The following CCDC77 variants were observed in gnomAD, a reference collection of about 807,000 sequenced individuals.
CCDC77 encodes coiled-coil domain-containing protein 77.
Under a neutral mutation model 66.8 loss-of-function variants are expected in CCDC77, and 56 were observed. The ratio of observed to expected loss-of-function variants is 0.84; its 90% CI spans 0.68 to 1.05. The LOEUF is 1.05. CCDC77 is among the 50% of genes least tolerant of loss of function. The pLI, the probability that CCDC77 is intolerant of heterozygous loss-of-function variation, is 0.00. For missense variants in CCDC77, 570 were observed against 576.8 expected (o/e 0.99, Z 0.12); for synonymous variants, 196 against 195.2 (o/e 1.00, Z -0.03).
At chr12:389,810 C>T (rs754827874) in intron 1 of CCDC77, among the ~76,000 whole-genome samples, 7 of 152,190 alleles carry the variant, frequency 4.6e-5, no homozygotes, top group Non-Finnish European at 7.4e-5. Context: ...TCCAGCATTT[C>T]TCTTTTTTTA....
intron 4 of CCDC77, among the ~76,000 whole-genome samples, 168 bp downstream of exon 4, chr12:412,146 A>G (rs1945124609): frequency 6.6e-6 from 1 of 152,160 alleles, no homozygotes; most frequent in African/African-American, 2.4e-5. Flanking sequence ...CATAACCCCC[A>G]AAACTGCCCT....
At chr12:405,897 G>C (rs1944981003) in intron 2 of CCDC77, among the ~76,000 whole-genome samples, 1 of 149,558 alleles carries the variant, frequency 6.7e-6, no homozygotes. Context: ...TTAAATATTA[G>C]ATGGTTATAA....
At chr12:389,644 G>A (rs1243904847) in intron 1 of CCDC77, 4 of 176,294 alleles carry the variant, frequency 2.3e-5, no homozygotes, top group South Asian at 9.8e-5. Context: ...TGCCCCAGAG[G>A]GCAGAGGTTG....
chr12:428,510 C>CAAAAAAAAAAAAAAAAAAAA lies in CCDC77; in HGVS notation c.414-252_414-233dup, dbSNP rs59414510. 5.2e-5 allele frequency among the ~76,000 whole-genome samples: 3 copies of CAAAAAAAAAAAAAAAAAAAA among 57,882 alleles called. 1 individual carries two copies. Among genetic ancestry groups the CAAAAAAAAAAAAAAAAAAAA allele is most frequent in the African/African-American group, 2.2e-4 (3 of 13,736 alleles). 38.0% of individuals were successfully genotyped at this position (57,882 alleles called of 152,430 possible). On this transcript the variant is annotated intron_variant, in intron 5 of 12. Transcript: ENST00000239830. ...TGGACAACAGAGCGAGACTCTGTCT[C>CAAAAAAAAAAAAAAAAAAAA]AAAAAAAAAAAAAAAAAAAAAAAAA...
chr12:401,450 GGC>G, upstream of CCDC77: 1 of 152,394 alleles, frequency 6.6e-6, no homozygotes, highest in Admixed American at 6.5e-5. Context: ...CAGAGCTCCA[GGC>G]AGAAGAAAAC....
chr12:399,160 A>G (rs2887438), upstream of CCDC77, among the ~76,000 whole-genome samples: 4,193 of 151,558 alleles, frequency 0.028, 410 homozygotes, highest in East Asian at 0.31. Context: ...TCTGGCAGCT[A>G]TAGCCTTATG....
chr12:398,886 A>G (rs1366411017), upstream of CCDC77, among the ~76,000 whole-genome samples: 8 of 151,898 alleles, frequency 5.3e-5, no homozygotes, highest in Admixed American at 3.9e-4. Flanking sequence ...CAGCCTCCCA[A>G]GTAGCCAGGT....
At chr12:396,353 C>T (rs978679585) in intron 1 of CCDC77, among the ~76,000 whole-genome samples, 1 of 152,168 alleles carries the variant, frequency 6.6e-6, no homozygotes, top group Non-Finnish European at 1.5e-5. Flanking sequence ...GATTATGCCA[C>T]TGCACTCCAG....
chr12:427,442 A>G (rs893632793), intron 5 of CCDC77, among the ~76,000 whole-genome samples: 1 of 150,896 alleles, frequency 6.6e-6, no homozygotes. Context: ...TCGCTCTGAA[A>G]TCCCTTTTTA....
At chr12:423,913 T>C (rs1565572477) in intron 5 of CCDC77, among the ~76,000 whole-genome samples, 1 of 152,200 alleles carries the variant, frequency 6.6e-6, no homozygotes, top group Admixed American at 6.6e-5. Context: ...TATATCTTCT[T>C]TGGAGAAATG....
At chr12:438,888 G>A (rs191918127) in intron 10 of CCDC77, among the ~76,000 whole-genome samples, 257 of 149,040 alleles carry the variant, frequency 1.7e-3, no homozygotes, top group Middle Eastern at 3.4e-3. Flanking sequence ...CCAACATGGT[G>A]AAACCCCGTC....
intron 1 of CCDC77, among the ~76,000 whole-genome samples, chr12:392,518 C>T (rs2137517713): frequency 6.6e-6 from 1 of 152,132 alleles, no homozygotes; most frequent in South Asian, 2.1e-4. Flanking sequence ...CCGAGGCGGG[C>T]AGATCACTTG....
upstream of CCDC77, among the ~76,000 whole-genome samples, chr12:399,465 C>T (rs1206544966): frequency 1.3e-5 from 2 of 152,158 alleles, no homozygotes; most frequent in East Asian, 1.9e-4. Flanking sequence ...CCACCGTGCC[C>T]GGCCTGAAAT....
chr12:389,746 C>A (rs780254376), intron 1 of CCDC77, among the ~76,000 whole-genome samples: 1 of 152,190 alleles, frequency 6.6e-6, no homozygotes, highest in Non-Finnish European at 1.5e-5. Flanking sequence ...CCTCACCGCC[C>A]GTGCTTCGTA....
chr12:414,915 C>T (rs1945194579), intron 4 of CCDC77, among the ~76,000 whole-genome samples: 3 of 152,170 alleles, frequency 2.0e-5, no homozygotes, highest in African/African-American at 7.2e-5. Flanking sequence ...CCCCAGTTGG[C>T]CTCACACTTT....
chr12:428,682 A>AG, intron 5 of CCDC77, 87 bp from the exon 6 acceptor site: 1 of 871,314 alleles, frequency 1.1e-6, no homozygotes, highest in Non-Finnish European at 1.8e-6. Flanking sequence ...TTTTAAAAAA[A>AG]AAATAGAAGG....
At chr12:423,587 C>T (rs907134028) in intron 5 of CCDC77, among the ~76,000 whole-genome samples, 2 of 149,022 alleles carry the variant, frequency 1.3e-5, no homozygotes, top group Admixed American at 6.8e-5. Flanking sequence ...CCTCAACCTC[C>T]CAGGCTCAGA....
intron 10 of CCDC77, 146 bp from the exon 11 acceptor site, chr12:440,470 TC>T: frequency 1.2e-6 from 1 of 800,058 alleles, no homozygotes; most frequent in Non-Finnish European, 1.9e-6. Context: ...TTTCAGATGT[TC>T]CTCAAAGTTC....
At chr12:396,211 G>A (rs1250451180) in intron 1 of CCDC77, among the ~76,000 whole-genome samples, 1 of 152,144 alleles carries the variant, frequency 6.6e-6, no homozygotes, top group Non-Finnish European at 1.5e-5. Context: ...GGCCAACATG[G>A]TGAAACCCCA....
Sources: allele counts gnomAD v4.1 joint callset (sites outside exome capture counted in the v4.1 genomes callset), GRCh38; gene constraint gnomAD v4.1.1; transcripts MANE v1.5; gene names NCBI Gene and HGNC (gene_info 2026-07-23, HGNC 2026-07-21).